PLEKHG4B: variants seen among roughly 807,000 people sequenced by gnomAD.
The protein encoded by PLEKHG4B is pleckstrin homology domain-containing family G member 4B.
Under a neutral mutation model 121.3 loss-of-function variants are expected in PLEKHG4B, and 111 were observed. The ratio of observed to expected loss-of-function variants is 0.92; its 90% CI spans 0.78 to 1.07. The LOEUF (loss-of-function observed/expected upper bound fraction) is 1.07, where lower values mean the gene tolerates loss of function less well. Among genes scored for constraint, PLEKHG4B ranks in the 50% least tolerant of loss-of-function variants. PLEKHG4B has a pLI of 0.00. For synonymous variants in PLEKHG4B, 738 were observed against 725.0 expected, an observed-to-expected ratio of 1.02 and a Z score of -0.29; for missense variants, 1,831 against 1,757.8, an observed-to-expected ratio of 1.04 and a Z score of -0.74.
At chr5:111,757 G>A (rs1419018054) in intron 1 of PLEKHG4B, among the ~76,000 whole-genome samples, 1 of 152,146 alleles carries the variant, frequency 6.6e-6, no homozygotes, top group Non-Finnish European at 1.5e-5. Flanking sequence ...CATTCGAGAT[G>A]CCTCTCCTAG....
chr5:175,272 A>C (rs1736721887), intron 18 of PLEKHG4B, among the ~76,000 whole-genome samples: 1 of 151,566 alleles, frequency 6.6e-6, no homozygotes, highest in Non-Finnish European at 1.5e-5. Context: ...CCACCCTAGG[A>C]TCCCTTCCCC....
In PLEKHG4B at chr5:162,595, T is replaced by C. The variant is rs1296413617; in HGVS notation, c.2650-127T>C. 7.7e-6 allele frequency: 5 copies of C among 652,362 alleles called. No individual in the cohort carries two copies. The African/African-American group carries it at 9.4e-5, about 12-fold the overall frequency. The allele number at this position is 652,362 out of a possible 1,614,324, so 40.4% of individuals were successfully genotyped here. ...CACAGCCCCCACTGGGTGGCGGGAC[T>C]GCCTCTCGCTCTGCTTTCTGGCCCC... On this transcript the variant is annotated intron_variant, in intron 12 of 19. Transcript: ENST00000637938.
intron 6 of PLEKHG4B, among the ~76,000 whole-genome samples, chr5:148,840 A>G (rs1399370640): frequency 6.6e-6 from 1 of 152,240 alleles, no homozygotes; most frequent in African/African-American, 2.4e-5. Context: ...AAGCAACAGT[A>G]ATCAAAAAAG....
At chr5:144,749 G>A in intron 5 of PLEKHG4B, 78 bp from the exon 6 acceptor site, 1 of 1,256,072 alleles carries the variant, frequency 8.0e-7, no homozygotes, top group South Asian at 1.3e-5. Flanking sequence ...GTAACAACTA[G>A]CCTCAGAGGT....
chr5:116,321 C>T (rs1734305747), intron 2 of PLEKHG4B, among the ~76,000 whole-genome samples: 1 of 152,042 alleles, frequency 6.6e-6, no homozygotes, highest in Non-Finnish European at 1.5e-5. Flanking sequence ...AAAACAATTA[C>T]AATAGTAACA....
chr5:164,638 C>T (rs1736201711), intron 13 of PLEKHG4B, among the ~76,000 whole-genome samples: 1 of 138,564 alleles, frequency 7.2e-6, no homozygotes, highest in Non-Finnish European at 1.6e-5. Context: ...GCGGAGCTCA[C>T]ACTAATGCTC....
intron 1 of PLEKHG4B, among the ~76,000 whole-genome samples, chr5:99,142 C>G (rs533002849): frequency 1.8e-5 from 2 of 111,400 alleles, no homozygotes; most frequent in African/African-American, 7.5e-5. Flanking sequence ...GGTGACAGTG[C>G]GAGAGTCTGT....
intron 6 of PLEKHG4B, among the ~76,000 whole-genome samples, chr5:150,888 A>G (rs528574530): frequency 6.6e-6 from 1 of 152,354 alleles, no homozygotes; most frequent in East Asian, 1.9e-4. Context: ...TGTTCACACA[A>G]TATTTATAGT....
At chr5:176,212 C>T (rs1048854352) in intron 18 of PLEKHG4B, among the ~76,000 whole-genome samples, 1 of 106,606 alleles carries the variant, frequency 9.4e-6, no homozygotes, top group African/African-American at 2.8e-5. Flanking sequence ...TGGCCAGAGG[C>T]CTCACCTCCG....
rs74700482 is a variant in PLEKHG4B, at chr5:179,262, G to A, written c.4403-2252G>A. ...AACCTTGTCTTTAAATTGGAGTAGT[G>A]TGTTTACATTTAATGTAATTTGGGT... On this transcript the variant is annotated intron_variant, in intron 18 of 19. Transcript: ENST00000637938. Among the ~76,000 whole-genome samples the A allele has an allele frequency of 9.3e-3, 1,420 of 152,242 alleles. 13 individuals carry two copies. The highest frequency in any genetic ancestry group is 0.054 in the Middle Eastern group (16 of 294).
chr5:98,650 T>C (rs1246687088), intron 1 of PLEKHG4B, among the ~76,000 whole-genome samples: 3 of 142,666 alleles, frequency 2.1e-5, no homozygotes, highest in Non-Finnish European at 4.6e-5. Flanking sequence ...TGTGTGTTAG[T>C]TTTAGTAGAG....
In PLEKHG4B at chr5:156,649, G is replaced by A. The variant is rs1735791188; in HGVS notation, c.2349-124G>A. ...CCGCCTCGGTTGTGGGCCTCCTCCT[G>A]GGGCTCCCGTTGCCTTGTGGCATGA... On this transcript the variant is annotated intron_variant, in intron 10 of 19. Coordinates refer to ENST00000637938, the MANE Select transcript of PLEKHG4B (RefSeq NM_052909.5). The surrounding 1 kb of genome is among the most constrained non-coding windows in gnomAD (Gnocchi z 4.4). 2 of 1,296,672 alleles carry A rather than the reference G, an allele frequency of 1.5e-6. No homozygotes were observed. The highest frequency in any genetic ancestry group is 2.5e-5 in the East Asian group (1 of 39,298). The allele number at this position is 1,296,672 out of a possible 1,614,324, so 80.3% of individuals were successfully genotyped here.
chr5:181,977 C>A, intron 19 of PLEKHG4B, 27 bp from the exon 20 acceptor site: 1 of 1,602,914 alleles, frequency 6.2e-7, no homozygotes, highest in Non-Finnish European at 8.5e-7. Flanking sequence ...CGGAAGCCAG[C>A]CTGACGTGCT....
intron 14 of PLEKHG4B, 91 bp downstream of exon 14, chr5:169,683 G>A (rs548205105): frequency 1.9e-5 from 30 of 1,539,752 alleles, no homozygotes; most frequent in South Asian, 1.1e-4. Context: ...CGTGTCAGGC[G>A]GTTGGAATAG....
intron 6 of PLEKHG4B, among the ~76,000 whole-genome samples, chr5:147,052 C>T (rs1277802049): frequency 1.3e-5 from 2 of 152,146 alleles, no homozygotes; most frequent in African/African-American, 4.8e-5. Context: ...GCTGGGCCAG[C>T]AGAAATTGGC....
rs774624767 is a variant in PLEKHG4B, at chr5:140,517, A to G, written c.1278A>G (p.Pro426=). 1 of 1,597,432 alleles carries G rather than the reference A, an allele frequency of 6.3e-7. No individual in the cohort carries two copies. The highest frequency in any genetic ancestry group is 8.5e-7 in the Non-Finnish European group (1 of 1,172,496). ...KERHTPSRTG[P]GAAGRTLPRR... ...GGCACACACCCAGCCGGACAGGTCC[A>G]GGAGCTGCAGGGCGGACTCTTCCCA... The change falls in exon 3 of 20, where the codon CCA becomes CCG. Residue 426 remains proline (P), a synonymous_variant. Transcript: ENST00000637938.
rs139467230 is a variant in PLEKHG4B at position 156,789 on chromosome 5, G to T, written c.2365G>T (p.Ala789Ser). The T allele has an allele frequency of 6.4e-7, 1 of 1,559,402 alleles. No homozygotes were observed. The highest frequency in any genetic ancestry group is 8.7e-7 in the Non-Finnish European group (1 of 1,151,836). Reference sequence around the variant, plus strand: ...CTTCCTCAGGGACACCCTGGAGGCCGCCACAAGCCTGTACGACCGAGTGGA... The same window carrying T: ...CTTCCTCAGGGACACCCTGGAGGCCTCCACAAGCCTGTACGACCGAGTGGA... ...TEDSRDTLEAATSLYDRVDEE... is the reference protein window; with the variant it reads ...TEDSRDTLEASTSLYDRVDEE... Residue 789 changes from alanine to serine, a missense_variant, in exon 11 of 20, where the codon GCC becomes TCC. Physicochemically the swap from Ala to Ser is moderately conservative, Grantham distance 99 (BLOSUM62 1). Coordinates refer to ENST00000637938, the MANE Select transcript of PLEKHG4B (RefSeq NM_052909.5). This position sits in a 1 kb window ranked among gnomAD's most constrained non-coding sequence, Gnocchi z 4.4.
At chr5:120,163 G>C (rs1179267129) in intron 2 of PLEKHG4B, among the ~76,000 whole-genome samples, 1 of 152,170 alleles carries the variant, frequency 6.6e-6, no homozygotes, top group Non-Finnish European at 1.5e-5. Context: ...AGAGGTAAGA[G>C]GATTACTTGA....
intron 2 of PLEKHG4B, among the ~76,000 whole-genome samples, chr5:115,232 T>C (rs1057336269): frequency 6.6e-6 from 1 of 152,244 alleles, no homozygotes. Flanking sequence ...CATGTACTGT[T>C]GGTGAGCAGT....
Sources: allele counts gnomAD v4.1 joint callset (sites outside exome capture counted in the v4.1 genomes callset), GRCh38; gene constraint gnomAD v4.1.1; non-coding constraint Gnocchi (gnomAD v3.1); transcripts MANE v1.5; gene names NCBI Gene and HGNC (gene_info 2026-07-23, HGNC 2026-07-21).